Variants in SYN2 observed in about 807,000 individuals in gnomAD.
The protein encoded by SYN2 is synapsin-2.
A neutral mutation model predicts 50.9 loss-of-function variants in SYN2; 19 were observed. That is an observed-to-expected ratio of 0.37 (90% CI 0.26 to 0.55). The LOEUF is 0.55. Among genes scored for constraint, SYN2 ranks in the 20% least tolerant of loss-of-function variants. The pLI, the probability that SYN2 is intolerant of heterozygous loss-of-function variation, is 0.81. For missense variants in SYN2, 587 were observed against 576.4 expected (o/e 1.02, Z -0.19); for synonymous variants, 255 against 224.9 (o/e 1.13, Z -1.20).
intron 11 of SYN2, chr3:12,184,187 TTTA>T (rs1161521733): frequency 2.0e-6 from 2 of 985,586 alleles, no homozygotes; most frequent in African/African-American, 3.5e-5. Context: ...TACCCTTTAT[TTTA>T]TTATTAACTA....
chr3:12,114,124 T>C (rs1696381138), intron 1 of SYN2, among the ~76,000 whole-genome samples: 1 of 152,156 alleles, frequency 6.6e-6, no homozygotes, highest in South Asian at 2.1e-4. Flanking sequence ...ATCTTTTTTT[T>C]TTTTTATTGT....
At chr3:12,120,071 C>T (rs900623729) in intron 1 of SYN2, among the ~76,000 whole-genome samples, 1 of 152,032 alleles carries the variant, frequency 6.6e-6, no homozygotes, top group Non-Finnish European at 1.5e-5. Context: ...AATGGAGCTC[C>T]TTTGGTTGAA....
At chr3:12,062,684 C>T (rs957863846) in intron 1 of SYN2, among the ~76,000 whole-genome samples, 2 of 151,998 alleles carry the variant, frequency 1.3e-5, no homozygotes, top group African/African-American at 4.8e-5. Flanking sequence ...CAGTTTCTTA[C>T]AAAACTAAAC....
intron 1 of SYN2, among the ~76,000 whole-genome samples, chr3:12,108,716 C>A (rs909249032): frequency 3.3e-5 from 5 of 151,754 alleles, no homozygotes; most frequent in Admixed American, 6.6e-5. Flanking sequence ...CAACCATCTT[C>A]TTTTCTAAAA....
intron 1 of SYN2, among the ~76,000 whole-genome samples, chr3:12,037,753 A>C (rs765938840): frequency 6.6e-6 from 1 of 152,232 alleles, no homozygotes; most frequent in Non-Finnish European, 1.5e-5. Flanking sequence ...ACACTGTTGC[A>C]ATGGGGATTA....
rs546099619 is a variant in SYN2 at position 12,083,386 on chromosome 3, C to G, written c.378-57265C>G. On this transcript the variant is annotated intron_variant, in intron 1 of 12. Transcript: ENST00000621198. ...ATGTCTGTGAATAATAGTTCTGTCT[C>G]TCTCTGTATTGGTGGTAACAAATCT... 3.9e-5 allele frequency among the ~76,000 whole-genome samples: 6 copies of G among 152,306 alleles called. No individual in the cohort carries two copies. The East Asian group carries it at 5.8e-4, about 15-fold the overall frequency.
intron 1 of SYN2, among the ~76,000 whole-genome samples, chr3:12,019,591 C>T (rs1423306984): frequency 6.6e-6 from 1 of 152,110 alleles, no homozygotes; most frequent in Non-Finnish European, 1.5e-5. Context: ...CTGTAGCCTC[C>T]AGATAACTTA....
chr3:12,032,498 C>T (rs1694402329), intron 1 of SYN2, among the ~76,000 whole-genome samples: 3 of 65,824 alleles, frequency 4.6e-5, no homozygotes, highest in South Asian at 7.0e-4. Flanking sequence ...TTCCATTCTC[C>T]GCATCACTTT....
chr3:12,136,748 C>T (rs985349026), intron 1 of SYN2, among the ~76,000 whole-genome samples: 2 of 152,124 alleles, frequency 1.3e-5, no homozygotes, highest in African/African-American at 2.4e-5. Flanking sequence ...TTACCTGGTC[C>T]ATCAAGGAAG....
intron 1 of SYN2, among the ~76,000 whole-genome samples, chr3:12,034,394 G>C (rs1358240805): frequency 6.6e-6 from 1 of 152,068 alleles, no homozygotes; most frequent in African/African-American, 2.4e-5. Flanking sequence ...TAATTTAATT[G>C]AGTCTTTCTG....
chr3:12,129,200 G>A (rs182259865), intron 1 of SYN2, among the ~76,000 whole-genome samples: 14 of 152,256 alleles, frequency 9.2e-5, no homozygotes, highest in Admixed American at 8.5e-4. Flanking sequence ...CAGATAGTCA[G>A]TAGAAACATA....
At chr3:12,127,293 T>G (rs1383598283) in intron 1 of SYN2, among the ~76,000 whole-genome samples, 1 of 152,232 alleles carries the variant, frequency 6.6e-6, no homozygotes, top group African/African-American at 2.4e-5. Flanking sequence ...ACTATCTGTC[T>G]TCATATTTCT....
chr3:12,107,370 T>C (rs1305998231), intron 1 of SYN2, among the ~76,000 whole-genome samples: 2 of 152,224 alleles, frequency 1.3e-5, no homozygotes, highest in Non-Finnish European at 1.5e-5. Flanking sequence ...CCTGTAGTTA[T>C]GAGTGATGGA....
At chr3:12,184,679 G>A (rs1352620345) in intron 11 of SYN2, 16 of 985,880 alleles carry the variant, frequency 1.6e-5, no homozygotes, top group African/African-American at 3.5e-5. Flanking sequence ...GCTCCACAGC[G>A]GTGGCTCTTG....
intron 8 of SYN2, among the ~76,000 whole-genome samples, 188 bp from the exon 9 acceptor site, chr3:12,168,188 G>A (rs1252543004): frequency 6.6e-6 from 1 of 152,130 alleles, no homozygotes; most frequent in East Asian, 1.9e-4. Context: ...TGCAAAAATG[G>A]GTAGAATCTG....
intron 5 of SYN2, chr3:12,159,080 G>C (rs990483772): frequency 1.9e-6 from 1 of 520,172 alleles, no homozygotes. Flanking sequence ...AGGAGGCCCT[G>C]ACCTCTGTTT....
intron 1 of SYN2, among the ~76,000 whole-genome samples, chr3:12,041,933 T>G (rs1322836311): frequency 6.6e-6 from 1 of 152,244 alleles, no homozygotes; most frequent in African/African-American, 2.4e-5. Context: ...CTTCTCTAGC[T>G]AAATCCTGCC....
At chr3:12,143,383 C>T (rs1361737015) in intron 3 of SYN2, among the ~76,000 whole-genome samples, 2 of 152,120 alleles carry the variant, frequency 1.3e-5, no homozygotes, top group African/African-American at 2.4e-5. Flanking sequence ...AGTGTTCCAT[C>T]GCCAAAATAA....
chr3:12,146,567 A>C (rs527614120), intron 4 of SYN2, among the ~76,000 whole-genome samples: 1 of 152,320 alleles, frequency 6.6e-6, no homozygotes, highest in East Asian at 1.9e-4. Context: ...GAGAAACAAA[A>C]CCCAAAAAGG....
Sources: gnomAD v4.1 joint callset for allele counts (sites outside exome capture counted in the v4.1 genomes callset) on GRCh38, gnomAD v4.1.1 for gene constraint, MANE v1.5 for transcripts, NCBI Gene and HGNC (gene_info 2026-07-23, HGNC 2026-07-21) for gene names.